BCL2: variants seen among roughly 807,000 people sequenced by gnomAD.
The protein encoded by BCL2 is apoptosis regulator Bcl-2.
BCL2 carries 1 observed loss-of-function variant against 14.2 expected under a neutral mutation model. The ratio of observed to expected loss-of-function variants is 0.07; its 90% CI spans 0.02 to 0.33. BCL2 has a LOEUF of 0.33. BCL2 is among the 10% of genes least tolerant of loss of function. The pLI is 0.99. For missense variants in BCL2, 247 were observed against 305.9 expected (o/e 0.81, Z 1.44); for synonymous variants, 151 against 137.2 (o/e 1.10, Z -0.70).
intron 2 of BCL2, among the ~76,000 whole-genome samples, chr18:63,312,387 T>C (rs1913355300): frequency 6.6e-6 from 1 of 152,196 alleles, no homozygotes; most frequent in African/African-American, 2.4e-5. Context: ...GGTGTATCTT[T>C]TGTCTGGCAA....
Position 63,299,734 on chromosome 18 carries a change from T to C in BCL2, c.585+18348A>G, listed in dbSNP as rs564291746. 2.0e-5 allele frequency among the ~76,000 whole-genome samples: 3 copies of C among 152,208 alleles called. No homozygotes were observed. In the South Asian group the frequency reaches 6.2e-4, roughly 32 times the overall value. On this transcript the variant is annotated intron_variant, in intron 2 of 2. Transcript: ENST00000333681. ...GCCATTCCCAAGCTTGGCAGGCCCT[T>C]CAATTACTCTGCTTATTTGCATATG...
chr18:63,315,877 T>C (rs1222878739), intron 2 of BCL2: 1 of 152,246 alleles, frequency 6.6e-6, no homozygotes, highest in Admixed American at 6.5e-5. Flanking sequence ...ATATTTTTTC[T>C]CTAAATTCCT....
intron 2 of BCL2, among the ~76,000 whole-genome samples, chr18:63,237,470 G>A (rs1910873012): frequency 6.6e-6 from 1 of 152,228 alleles, no homozygotes; most frequent in Non-Finnish European, 1.5e-5. Flanking sequence ...GCTAGAGACA[G>A]ACGGACTAGG....
At chr18:63,261,036 G>A (rs181115986) in intron 2 of BCL2, among the ~76,000 whole-genome samples, 4 of 152,308 alleles carry the variant, frequency 2.6e-5, no homozygotes, top group African/African-American at 7.2e-5. Context: ...TCGAGGGGCT[G>A]CTTCTTATCC....
rs143665485 is a variant in BCL2 at position 63,154,663 on chromosome 18, G to A, written c.586-25904C>T. Among the ~76,000 whole-genome samples the A allele has an allele frequency of 5.9e-5, 9 of 152,218 alleles. No individual in the cohort carries two copies. In the East Asian group the frequency reaches 1.5e-3, roughly 26 times the overall value. On this transcript the variant is annotated intron_variant, in intron 2 of 2. Coordinates refer to ENST00000333681, the MANE Select transcript of BCL2 (RefSeq NM_000633.3). Reference sequence around the variant, plus strand: ...GCTCAAATACCACCTCCTCTGTGAAGCCTTTCTTGACCAAGCCCCCACCTC... The same window carrying A: ...GCTCAAATACCACCTCCTCTGTGAAACCTTTCTTGACCAAGCCCCCACCTC...
At chr18:63,250,269 C>T (rs549545731) in intron 2 of BCL2, among the ~76,000 whole-genome samples, 11 of 152,300 alleles carry the variant, frequency 7.2e-5, no homozygotes, top group Admixed American at 2.0e-4. Flanking sequence ...ATCAAAATAG[C>T]CTATCATTTG....
At chr18:63,234,837 T>C (rs984184059) in intron 2 of BCL2, among the ~76,000 whole-genome samples, 2 of 152,176 alleles carry the variant, frequency 1.3e-5, no homozygotes, top group Non-Finnish European at 2.9e-5. Context: ...AGATCTCTTA[T>C]GAGAATAAAA....
chr18:63,154,718 C>T (rs890144576), intron 2 of BCL2, among the ~76,000 whole-genome samples: 1 of 152,194 alleles, frequency 6.6e-6, no homozygotes, highest in African/African-American at 2.4e-5. Context: ...ATTCTGCCCC[C>T]TCAAGGCTCA....
intron 2 of BCL2, among the ~76,000 whole-genome samples, chr18:63,144,028 C>T (rs943806057): frequency 5.3e-5 from 8 of 152,178 alleles, no homozygotes; most frequent in African/African-American, 1.7e-4. Context: ...GGAATAAGCT[C>T]AAGTTTGGGC....
intron 2 of BCL2, among the ~76,000 whole-genome samples, chr18:63,130,466 A>G (rs1294820269): frequency 2.6e-5 from 4 of 152,130 alleles, no homozygotes; most frequent in Non-Finnish European, 4.4e-5. Flanking sequence ...TGCGTAGTAA[A>G]TGTTTGTTCA....
At chr18:63,319,810 T>C (rs564813907), upstream of BCL2, 97 of 187,584 alleles carry the variant, frequency 5.2e-4, no homozygotes, top group Non-Finnish European at 9.3e-4. Context: ...ATTTTTTCCC[T>C]CTTTTCCTAA....
At position 63,201,951 on chromosome 18, in the gene BCL2, C is replaced by T. The variant is rs184961608; in HGVS notation, c.586-73192G>A. 4.5e-4 allele frequency among the ~76,000 whole-genome samples: 69 copies of T among 152,176 alleles called. 1 individual carries two copies. In the East Asian group the frequency reaches 0.013, roughly 28 times the overall value. ...ATGTAAGAAGCCTGCACGTTCTGCA[C>T]ATGTACCCCAGAAATTAAAGTATAA... On this transcript the variant is annotated intron_variant, in intron 2 of 2. Coordinates refer to ENST00000333681, the MANE Select transcript of BCL2 (RefSeq NM_000633.3).
intron 2 of BCL2, among the ~76,000 whole-genome samples, chr18:63,185,641 C>A (rs184380852): frequency 2.6e-5 from 4 of 152,220 alleles, no homozygotes; most frequent in African/African-American, 7.2e-5. Context: ...GTGGCAGAGT[C>A]TAGGTAGTAA....
chr18:63,298,634 C>T (rs1912866504), intron 2 of BCL2, among the ~76,000 whole-genome samples: 1 of 152,184 alleles, frequency 6.6e-6, no homozygotes, highest in Non-Finnish European at 1.5e-5. Flanking sequence ...CAATGCAATG[C>T]TATTTTATAT....
In BCL2 at chr18:63,149,022, C is replaced by T. The variant is rs1349411859; in HGVS notation, c.586-20263G>A. Among the ~76,000 whole-genome samples, 2 of 152,186 alleles carry T rather than the reference C, an allele frequency of 1.3e-5. No individual in the cohort carries two copies. The highest frequency in any genetic ancestry group is 1.9e-4 in the East Asian group (1 of 5,202). On this transcript the variant is annotated intron_variant, in intron 2 of 2. Transcript: ENST00000333681. This position sits in a 1 kb window ranked among gnomAD's most constrained non-coding sequence, Gnocchi z 4.2. ...AATGTAGCTATGACTCCCAGCTAAACGGGCCTGCCCAGAGCCACGAAGTCA... is the reference window on the plus strand; with the variant it reads ...AATGTAGCTATGACTCCCAGCTAAATGGGCCTGCCCAGAGCCACGAAGTCA...
At chr18:63,279,117 T>C (rs1173723598) in intron 2 of BCL2, among the ~76,000 whole-genome samples, 1 of 152,192 alleles carries the variant, frequency 6.6e-6, no homozygotes, top group African/African-American at 2.4e-5. Flanking sequence ...AGAGAAAATC[T>C]TCATGACTTT....
At chr18:63,223,107 A>G (rs1367983468) in intron 2 of BCL2, among the ~76,000 whole-genome samples, 1 of 152,210 alleles carries the variant, frequency 6.6e-6, no homozygotes, top group Admixed American at 6.5e-5. Flanking sequence ...AGTCACTAAA[A>G]TAAGAAGAAC....
intron 2 of BCL2, among the ~76,000 whole-genome samples, chr18:63,144,462 C>T (rs1914455699): frequency 6.6e-6 from 1 of 152,066 alleles, no homozygotes; most frequent in South Asian, 2.1e-4. Flanking sequence ...TATATGACTG[C>T]CAGGCATGTA....
intron 2 of BCL2, among the ~76,000 whole-genome samples, chr18:63,238,050 CAA>C (rs1910891230): frequency 6.6e-6 from 1 of 151,964 alleles, no homozygotes; most frequent in African/African-American, 2.4e-5. Flanking sequence ...GTAGAGGATG[CAA>C]TCACTTTCTT....
Sources: gnomAD v4.1 joint callset for allele counts (sites outside exome capture counted in the v4.1 genomes callset) on GRCh38, gnomAD v4.1.1 for gene constraint, Gnocchi (gnomAD v3.1) non-coding constraint, MANE v1.5 for transcripts, NCBI Gene and HGNC (gene_info 2026-07-23, HGNC 2026-07-21) for gene names.